Variants in PIP5K1B observed in about 807,000 individuals in gnomAD.
PIP5K1B encodes the protein phosphatidylinositol-4-phosphate 5-kinase type 1 beta.
In PIP5K1B, 42 loss-of-function variants were observed where a neutral mutation model predicts 67.0. The ratio of observed to expected loss-of-function variants is 0.63; its 90% CI spans 0.49 to 0.81. The LOEUF (loss-of-function observed/expected upper bound fraction) is 0.81, where lower values mean the gene tolerates loss of function less well. Ranked by LOEUF, PIP5K1B falls within the 30% of genes least tolerant of loss-of-function variation. PIP5K1B has a pLI of 0.00. For synonymous variants in PIP5K1B, 214 were observed against 231.4 expected (o/e 0.92, Z 0.68); for missense variants, 459 against 646.3 (o/e 0.71, Z 3.14).
At chr9:68,818,977 CAT>C (rs1328570716) in intron 3 of PIP5K1B, among the ~76,000 whole-genome samples, 1 of 152,120 alleles carries the variant, frequency 6.6e-6, no homozygotes, top group Non-Finnish European at 1.5e-5. Flanking sequence ...GGAAAATACA[CAT>C]GATTATAACT....
chr9:68,883,716 A>G (rs1266155832), intron 6 of PIP5K1B, among the ~76,000 whole-genome samples: 1 of 152,124 alleles, frequency 6.6e-6, no homozygotes, highest in Non-Finnish European at 1.5e-5. Flanking sequence ...TCAGATGCCT[A>G]CATCCTCAAG....
intron 2 of PIP5K1B, chr9:68,781,105 A>G (rs980209037): frequency 2.1e-5 from 32 of 1,506,624 alleles, no homozygotes; most frequent in African/African-American, 4.2e-5. Flanking sequence ...AACTTTGTCA[A>G]TTAATTTGAG....
intron 4 of PIP5K1B, among the ~76,000 whole-genome samples, chr9:68,850,599 A>G (rs945743240): frequency 6.6e-6 from 1 of 152,228 alleles, no homozygotes; most frequent in African/African-American, 2.4e-5. Flanking sequence ...AACATCCGCT[A>G]TAAGCATTGT....
At chr9:68,886,931 T>C (rs1564206797) in intron 6 of PIP5K1B, among the ~76,000 whole-genome samples, 1 of 152,204 alleles carries the variant, frequency 6.6e-6, no homozygotes, top group Admixed American at 6.5e-5. Context: ...CCTTGCCCTC[T>C]CTGCTACAGC....
At chr9:68,780,231 G>A (rs953821920) in intron 2 of PIP5K1B, 18 of 1,543,732 alleles carry the variant, frequency 1.2e-5, no homozygotes, top group Non-Finnish European at 1.6e-5. Context: ...CCCGGCGGAG[G>A]GCGGTGGCAG....
chr9:68,766,474 G>A (rs1249719755), intron 2 of PIP5K1B, among the ~76,000 whole-genome samples: 1 of 152,044 alleles, frequency 6.6e-6, no homozygotes, highest in Non-Finnish European at 1.5e-5. Context: ...TGTATAAGAA[G>A]GTCATGGAAT....
chr9:68,965,691 C>T (rs2309384), intron 14 of PIP5K1B: 95,344 of 152,014 alleles, frequency 0.63, 33,221 homozygotes, highest in Non-Finnish European at 0.77. Context: ...GGCAGCGGGG[C>T]GCAGCGGTTC....
intron 4 of PIP5K1B, among the ~76,000 whole-genome samples, chr9:68,847,052 G>C (rs569439503): frequency 6.6e-6 from 1 of 152,140 alleles, no homozygotes; most frequent in South Asian, 2.1e-4. Context: ...CTTTTTGTTT[G>C]GGTAAATGGA....
At chr9:69,005,882 T>C (rs1831054091) in intron 15 of PIP5K1B, among the ~76,000 whole-genome samples, 2 of 115,020 alleles carry the variant, frequency 1.7e-5, no homozygotes, top group African/African-American at 6.8e-5. Context: ...CATTTCTTTC[T>C]TTTTTTTTTT....
chr9:68,715,378 A>G (rs10115067), intron 1 of PIP5K1B, among the ~76,000 whole-genome samples: 18,098 of 152,060 alleles, frequency 0.12, 1,181 homozygotes, highest in African/African-American at 0.14. Flanking sequence ...CCAGTCTCAG[A>G]TCCACCACTC....
rs143958003 is a variant in PIP5K1B, at chr9:68,823,041, C to T, written c.69+358C>T. On this transcript the variant is annotated intron_variant, in intron 4 of 15. Transcript: ENST00000265382. ...TGCCATCTTCAAAGCCAGCAATGGC[C>T]GGTGGCGTCTTTCCCAGGCTGTATC... Among the ~76,000 whole-genome samples, 421 of 152,248 alleles carry T rather than the reference C, an allele frequency of 2.8e-3. 1 individual carries two copies. Among genetic ancestry groups the T allele is most frequent in the African/African-American group, 9.5e-3 (394 of 41,534 alleles).
At chr9:68,884,902 G>A in intron 6 of PIP5K1B, among the ~76,000 whole-genome samples, 1 of 152,148 alleles carries the variant, frequency 6.6e-6, no homozygotes, top group East Asian at 1.9e-4. Flanking sequence ...CAGTAGGGAG[G>A]TTCCTCAAAT....
intron 2 of PIP5K1B, among the ~76,000 whole-genome samples, chr9:68,746,746 A>G (rs1163842174): frequency 3.3e-5 from 5 of 152,084 alleles, no homozygotes; most frequent in Non-Finnish European, 7.4e-5. Flanking sequence ...GGCCTGGCTT[A>G]CCACTTCCAG....
At chr9:68,853,866 G>A (rs925877977) in intron 4 of PIP5K1B, among the ~76,000 whole-genome samples, 5 of 151,966 alleles carry the variant, frequency 3.3e-5, no homozygotes, top group African/African-American at 1.2e-4. Context: ...TTTTACAACT[G>A]TACTCTTCAA....
At chr9:68,978,474 T>C (rs11144621) in intron 14 of PIP5K1B, among the ~76,000 whole-genome samples, 1,678 of 152,348 alleles carry the variant, frequency 0.011, 26 homozygotes, top group African/African-American at 0.038. Flanking sequence ...ATGAATACTC[T>C]TCCTTTGTAT....
At chr9:68,792,541 G>A (rs570270058) in intron 2 of PIP5K1B, among the ~76,000 whole-genome samples, 3 of 152,096 alleles carry the variant, frequency 2.0e-5, no homozygotes, top group South Asian at 2.1e-4. Flanking sequence ...GTGCAGTGGC[G>A]CGATCTCGGT....
chr9:68,802,437 T>C (rs1832649616), intron 2 of PIP5K1B, among the ~76,000 whole-genome samples: 1 of 151,864 alleles, frequency 6.6e-6, no homozygotes, highest in African/African-American at 2.4e-5. Flanking sequence ...AGAAAATGGA[T>C]GGATGGATGG....
At chr9:68,869,290 C>T (rs1823510436) in intron 5 of PIP5K1B, among the ~76,000 whole-genome samples, 1 of 152,208 alleles carries the variant, frequency 6.6e-6, no homozygotes, top group African/African-American at 2.4e-5. Flanking sequence ...CATAGGAGCA[C>T]AAACCCTGTA....
intron 1 of PIP5K1B, among the ~76,000 whole-genome samples, chr9:68,711,002 T>C (rs1827365269): frequency 6.6e-6 from 1 of 152,196 alleles, no homozygotes; most frequent in South Asian, 2.1e-4. Context: ...ATTGGAATTG[T>C]AAGTACTAGG....
Sources: allele counts gnomAD v4.1 joint callset (sites outside exome capture counted in the v4.1 genomes callset), GRCh38; gene constraint gnomAD v4.1.1; transcripts MANE v1.5; gene names NCBI Gene and HGNC (gene_info 2026-07-23, HGNC 2026-07-21).